Variants in WDR64 observed in about 807,000 individuals in gnomAD.
The protein encoded by WDR64 is WD repeat-containing protein 64.
WDR64 carries 112 observed loss-of-function variants against 139.3 expected under a neutral mutation model. The observed-to-expected ratio is 0.80, with a 90% CI of 0.69 to 0.94. The LOEUF (loss-of-function observed/expected upper bound fraction) is 0.94. Among genes scored for constraint, WDR64 ranks in the 40% least tolerant of loss-of-function variants. The pLI, the probability that WDR64 is intolerant of heterozygous loss-of-function variation, is 0.00. For missense variants in WDR64, 1,206 were observed against 1,293.1 expected (o/e 0.93, Z 1.03); for synonymous variants, 444 against 437.7 (o/e 1.01, Z -0.18).
At chr1:241,680,186 G>A (rs1666724298) in intron 6 of WDR64, among the ~76,000 whole-genome samples, 1 of 152,112 alleles carries the variant, frequency 6.6e-6, no homozygotes, top group Non-Finnish European at 1.5e-5. Context: ...ACTCAGGGAG[G>A]GTGAGATCAC....
chr1:241,677,202 C>T (rs74150350), intron 4 of WDR64: 4,707 of 396,550 alleles, frequency 0.012, 153 homozygotes, highest in African/African-American at 0.077. Context: ...GATTATGAAA[C>T]TTTTAAAGAA....
At chr1:241,735,987 G>A (rs1669309244) in intron 10 of WDR64, among the ~76,000 whole-genome samples, 1 of 151,912 alleles carries the variant, frequency 6.6e-6, no homozygotes. Flanking sequence ...AGGTTACCTT[G>A]CTTTAGTTCC....
intron 9 of WDR64, among the ~76,000 whole-genome samples, chr1:241,717,108 A>G (rs1668433981): frequency 6.6e-6 from 1 of 152,196 alleles, no homozygotes; most frequent in Non-Finnish European, 1.5e-5. Context: ...AGCATGACAC[A>G]TCTTGACAAT....
intron 15 of WDR64, among the ~76,000 whole-genome samples, chr1:241,759,850 T>A (rs72770227): frequency 0.15 from 22,864 of 152,082 alleles, 1,889 homozygotes; most frequent in African/African-American, 0.19. Flanking sequence ...CAAAACTGAA[T>A]CTCTATTTAT....
Position 241,788,029 on chromosome 1 carries a change from G to A in WDR64, c.2886G>A (p.Arg962=). 3.8e-6 allele frequency: 6 copies of A among 1,584,358 alleles called. No homozygotes were observed. Among genetic ancestry groups the A allele is most frequent in the Non-Finnish European group, 5.1e-6 (6 of 1,168,542 alleles). The change falls in exon 24 of 28, where the codon CGG becomes CGA. Residue 962 remains arginine, a synonymous_variant. Coordinates refer to ENST00000437684, the MANE Select transcript of WDR64 (RefSeq NM_001367482.1). ...QKYEYPLIFD[R]EKWRKMSSVS... is the part of the protein sequence containing the mutation. The stretch of plus-strand genomic sequence containing the variant: ...ATGAATATCCTCTGATATTTGACCG[G>A]GAAAAGTAAGACCATTAGCTCTTCT...
At chr1:241,778,143 A>G (rs1237027144) in intron 21 of WDR64, among the ~76,000 whole-genome samples, 1 of 152,172 alleles carries the variant, frequency 6.6e-6, no homozygotes, top group Non-Finnish European at 1.5e-5. Flanking sequence ...GGATTCATCT[A>G]TTTCAACTTG....
chr1:241,747,553 T>C (rs77734247), intron 13 of WDR64, among the ~76,000 whole-genome samples: 4,057 of 152,256 alleles, frequency 0.027, 187 homozygotes, highest in African/African-American at 0.093. Context: ...TGTACATTAG[T>C]TGAGGTCTCA....
In WDR64 at chr1:241,663,526, A is replaced by G. The variant is rs567806869; in HGVS notation, c.276+2866A>G. Among the ~76,000 whole-genome samples the G allele has an allele frequency of 4.6e-5, 7 of 152,366 alleles. No homozygotes were observed. In the South Asian group the frequency reaches 6.2e-4, roughly 14 times the overall value. On this transcript the variant is annotated intron_variant, in intron 2 of 27. Transcript: ENST00000437684. ...AGAGGCTTCACAGGCCTGAAAGTAG[A>G]CTTGGCCCCTTTGGGGAGAGAATTC...
intron 27 of WDR64, among the ~76,000 whole-genome samples, chr1:241,796,724 C>G (rs772090478): frequency 3.3e-5 from 5 of 152,106 alleles, no homozygotes; most frequent in Non-Finnish European, 5.9e-5. Flanking sequence ...GAACTCCTGA[C>G]CTCAGGTGAT....
At chr1:241,699,581 G>T (rs1424787987) in intron 8 of WDR64, among the ~76,000 whole-genome samples, 4 of 152,130 alleles carry the variant, frequency 2.6e-5, no homozygotes, top group Non-Finnish European at 5.9e-5. Flanking sequence ...AGGATTGTAG[G>T]GGTGGGTGGG....
chr1:241,771,959 T>C lies in WDR64; in HGVS notation c.2290+262T>C, dbSNP rs376154728. Among the ~76,000 whole-genome samples, 181 of 87,710 alleles carry C rather than the reference T, an allele frequency of 2.1e-3. 3 individuals are homozygous for C. Among genetic ancestry groups the C allele is most frequent in the East Asian group, 0.02 (86 of 4,248 alleles). The allele number at this position is 87,710 out of a possible 152,430, so 57.5% of individuals were successfully genotyped here. ...ATACATACATACATATATATATATATATATATATATATATATATATATATA... is the reference window on the plus strand; with the variant it reads ...ATACATACATACATATATATATATACATATATATATATATATATATATATA... On this transcript the variant is annotated intron_variant, in intron 19 of 27. Coordinates refer to ENST00000437684, the MANE Select transcript of WDR64 (RefSeq NM_001367482.1).
chr1:241,655,278 G>A (rs1321316853), intron 1 of WDR64, among the ~76,000 whole-genome samples: 2 of 152,128 alleles, frequency 1.3e-5, no homozygotes, highest in African/African-American at 2.4e-5. Flanking sequence ...AGCTACTCGG[G>A]AGGCTAAGCC....
intron 14 of WDR64, among the ~76,000 whole-genome samples, chr1:241,752,751 T>C (rs1479818120): frequency 6.6e-6 from 1 of 152,128 alleles, no homozygotes; most frequent in Non-Finnish European, 1.5e-5. Context: ...CTTGGGGAGC[T>C]GAGGTGGGAG....
intron 8 of WDR64, among the ~76,000 whole-genome samples, chr1:241,706,900 G>A (rs1198522998): frequency 1.3e-5 from 2 of 152,142 alleles, no homozygotes; most frequent in African/African-American, 4.8e-5. Context: ...CCTGCAAACT[G>A]GTAGCCTGTT....
intron 20 of WDR64, among the ~76,000 whole-genome samples, chr1:241,774,376 C>G (rs1449940017): frequency 2.0e-5 from 3 of 152,132 alleles, no homozygotes; most frequent in African/African-American, 7.2e-5. Context: ...GAACAATGCC[C>G]TTTTTCTTTC....
chr1:241,697,457 T>A (rs1293250143), intron 8 of WDR64, among the ~76,000 whole-genome samples: 1 of 152,178 alleles, frequency 6.6e-6, no homozygotes, highest in Admixed American at 6.5e-5. Context: ...CCTTATTTTC[T>A]TTCTCTATTT....
Position 241,783,518 on chromosome 1 carries a change from C to A in WDR64, c.2705+137C>A, listed in dbSNP as rs886327954. 9 of 646,160 alleles carry A rather than the reference C, an allele frequency of 1.4e-5. No individual in the cohort carries two copies. The South Asian group carries it at 1.6e-4, about 12-fold the overall frequency. The allele number at this position is 646,160 out of a possible 1,614,324, so 40.0% of individuals were successfully genotyped here. On this transcript the variant is annotated intron_variant, in intron 23 of 27. Coordinates refer to ENST00000437684, the MANE Select transcript of WDR64 (RefSeq NM_001367482.1). ...TAAATAAATAAGTAAATAGATGACACAAAAGGACTTTGAAAAGATGGCCAC... is the reference window on the plus strand; with the variant it reads ...TAAATAAATAAGTAAATAGATGACAAAAAAGGACTTTGAAAAGATGGCCAC...
chr1:241,685,959 TC>T (rs1299092685), intron 7 of WDR64, among the ~76,000 whole-genome samples: 1 of 152,206 alleles, frequency 6.6e-6, no homozygotes, highest in Non-Finnish European at 1.5e-5. Flanking sequence ...CATTTTTCAA[TC>T]CCAATCCCTG....
At chr1:241,795,921 T>TA (rs1485868931) in intron 26 of WDR64, among the ~76,000 whole-genome samples, 10 of 152,094 alleles carry the variant, frequency 6.6e-5, no homozygotes, top group African/African-American at 1.9e-4. Context: ...CAGATGATGC[T>TA]AAAGGGTGAA....
Sources: allele counts gnomAD v4.1 joint callset (sites outside exome capture counted in the v4.1 genomes callset), GRCh38; gene constraint gnomAD v4.1.1; transcripts MANE v1.5; gene names NCBI Gene and HGNC (gene_info 2026-07-23, HGNC 2026-07-21).